Variants in DIS3L2 observed in about 807,000 individuals in gnomAD.
DIS3L2 encodes DIS3-like exonuclease 2.
Under a neutral mutation model 97.5 loss-of-function variants are expected in DIS3L2, and 34 were observed. That is an observed-to-expected ratio of 0.35 (90% confidence interval 0.27 to 0.46). DIS3L2 has a LOEUF of 0.46. DIS3L2 is among the 20% of genes least tolerant of loss of function. The probability of loss-of-function intolerance (pLI) is 1.00; values close to 1 mark genes in which losing one functional copy is unlikely to be tolerated. For missense variants in DIS3L2, 1,038 were observed against 1,146.0 expected, an observed-to-expected ratio of 0.91 and a Z score of 1.36; for synonymous variants, 435 against 445.2, an observed-to-expected ratio of 0.98 and a Z score of 0.29.
chr2:232,222,299 A>G (rs1277655564), intron 10 of DIS3L2, among the ~76,000 whole-genome samples: 1 of 116,066 alleles, frequency 8.6e-6, no homozygotes, highest in African/African-American at 3.0e-5. Context: ...CTCTTGCAGT[A>G]TTTTATGTCT....
intron 1 of DIS3L2, among the ~76,000 whole-genome samples, chr2:231,981,381 A>G (rs911889252): frequency 4.6e-5 from 7 of 151,616 alleles, no homozygotes; most frequent in African/African-American, 1.7e-4. Flanking sequence ...GCATATAGGC[A>G]TGTTATCAAT....
At chr2:231,990,873 C>G (rs573198159) in intron 1 of DIS3L2, among the ~76,000 whole-genome samples, 1 of 152,116 alleles carries the variant, frequency 6.6e-6, no homozygotes, top group Non-Finnish European at 1.5e-5. Flanking sequence ...CTCCAGCATT[C>G]AAATAAATCT....
chr2:232,206,842 G>T (rs972142126), intron 9 of DIS3L2, among the ~76,000 whole-genome samples: 1 of 152,136 alleles, frequency 6.6e-6, no homozygotes, highest in Non-Finnish European at 1.5e-5. Flanking sequence ...AAGCAGTTGT[G>T]GGGGCTCCCA....
intron 6 of DIS3L2, among the ~76,000 whole-genome samples, chr2:232,104,940 C>T (rs1365644824): frequency 6.6e-6 from 1 of 152,118 alleles, no homozygotes; most frequent in Non-Finnish European, 1.5e-5. Flanking sequence ...ACCTAAGCCT[C>T]CTGGAGTAGC....
chr2:232,278,733 T>C (rs1694209772), intron 13 of DIS3L2, among the ~76,000 whole-genome samples: 1 of 152,238 alleles, frequency 6.6e-6, no homozygotes, highest in African/African-American at 2.4e-5. Context: ...AATATTTGGC[T>C]AGTTTCCAGT....
Position 232,300,356 on chromosome 2 carries a change from T to C in DIS3L2, c.1739+237T>C, listed in dbSNP as rs375846122. ...GTTGTGGTGTGTTAGAAGTAGATGC[T>C]GAAGCAGACCTTCTTTCAAGGCTGC... On this transcript the variant is annotated intron_variant, in intron 14 of 20. Transcript: ENST00000325385. Among the ~76,000 whole-genome samples, 20 of 152,322 alleles carry C rather than the reference T, an allele frequency of 1.3e-4. No homozygotes were observed. The South Asian group carries it at 1.7e-3, about 13-fold the overall frequency.
intron 8 of DIS3L2, among the ~76,000 whole-genome samples, chr2:232,148,503 A>G (rs932499507): frequency 2.6e-5 from 4 of 152,192 alleles, no homozygotes; most frequent in African/African-American, 9.7e-5. Context: ...TTAAATAAGG[A>G]ACTTGAGAAA....
At chr2:232,315,301 C>A (rs921325514) in intron 14 of DIS3L2, among the ~76,000 whole-genome samples, 2 of 152,188 alleles carry the variant, frequency 1.3e-5, no homozygotes, top group African/African-American at 4.8e-5. Context: ...ACCCTCACTC[C>A]GGTACTGAAA....
At chr2:232,118,733 A>G (rs1442668783) in intron 6 of DIS3L2, among the ~76,000 whole-genome samples, 1 of 152,170 alleles carries the variant, frequency 6.6e-6, no homozygotes, top group African/African-American at 2.4e-5. Context: ...AAAAGCAGTG[A>G]CTCATTCATG....
At chr2:232,304,900 T>A (rs577729542) in intron 14 of DIS3L2, among the ~76,000 whole-genome samples, 1 of 152,350 alleles carries the variant, frequency 6.6e-6, no homozygotes, top group Admixed American at 6.5e-5. Context: ...TCTCTCCTTC[T>A]GGAACTTGTT....
At chr2:232,008,671 T>A (rs1224480849) in intron 1 of DIS3L2, among the ~76,000 whole-genome samples, 2 of 152,172 alleles carry the variant, frequency 1.3e-5, no homozygotes, top group Non-Finnish European at 2.9e-5. Flanking sequence ...TTATAATGGC[T>A]AGGGTGCTGG....
At chr2:232,234,025 T>C (rs970157280) in intron 10 of DIS3L2, among the ~76,000 whole-genome samples, 3 of 152,240 alleles carry the variant, frequency 2.0e-5, no homozygotes, top group Non-Finnish European at 2.9e-5. Flanking sequence ...CTTGGAGTTA[T>C]GAGAGATAGG....
At chr2:232,053,060 C>A (rs1220716348) in intron 5 of DIS3L2, among the ~76,000 whole-genome samples, 2 of 152,112 alleles carry the variant, frequency 1.3e-5, no homozygotes, top group Non-Finnish European at 2.9e-5. Context: ...TATAGTATTT[C>A]TTTTTCATTC....
At chr2:232,231,171 G>T (rs2106244330) in intron 10 of DIS3L2, among the ~76,000 whole-genome samples, 1 of 152,336 alleles carries the variant, frequency 6.6e-6, no homozygotes, top group African/African-American at 2.4e-5. Flanking sequence ...CTTGACATGA[G>T]AAGGGACCTT....
chr2:232,194,930 ACT>A (rs1017199783), intron 9 of DIS3L2, among the ~76,000 whole-genome samples: 2 of 151,954 alleles, frequency 1.3e-5, no homozygotes, highest in Non-Finnish European at 2.9e-5. Context: ...TGATTTGGAA[ACT>A]CTCTGAAACA....
intron 3 of DIS3L2, among the ~76,000 whole-genome samples, chr2:232,017,293 T>C (rs1694382304): frequency 6.6e-6 from 1 of 152,096 alleles, no homozygotes. Context: ...GAGATGGGGT[T>C]TCACCATGTT....
At chr2:232,344,081 C>G (rs942389714) in exon 14 of DIS3L2, 2 of 153,062 alleles carry the variant, frequency 1.3e-5, no homozygotes, top group Non-Finnish European at 2.9e-5. Flanking sequence ...CGCTGTGAAG[C>G]GTGTCACATA....
chr2:232,285,334 T>C (rs1574993991), intron 13 of DIS3L2, among the ~76,000 whole-genome samples: 1 of 152,170 alleles, frequency 6.6e-6, no homozygotes, highest in Non-Finnish European at 1.5e-5. Context: ...ACCTGCAGGC[T>C]CCAAGCTTGA....
At chr2:232,116,930 C>T (rs1334480867) in intron 6 of DIS3L2, among the ~76,000 whole-genome samples, 10 of 152,188 alleles carry the variant, frequency 6.6e-5, no homozygotes, top group Non-Finnish European at 7.3e-5. Flanking sequence ...CAGCCGTCCA[C>T]GCTTCATAGC....
Sources: allele counts gnomAD v4.1 joint callset (sites outside exome capture counted in the v4.1 genomes callset), GRCh38; gene constraint gnomAD v4.1.1; transcripts MANE v1.5; gene names NCBI Gene and HGNC (gene_info 2026-07-23, HGNC 2026-07-21).